Variants in DCAF5 observed in about 807,000 individuals in gnomAD.
The protein encoded by DCAF5 is DDB1- and CUL4-associated factor 5.
DCAF5 carries 9 observed loss-of-function variants against 80.7 expected under a neutral mutation model. The observed-to-expected ratio is 0.11, with a 90% CI of 0.07 to 0.19. The LOEUF (loss-of-function observed/expected upper bound fraction) is 0.19. DCAF5 is among the 10% of genes least tolerant of loss of function. DCAF5 has a pLI of 1.00. For missense variants in DCAF5, 842 were observed against 1,205.7 expected, an observed-to-expected ratio of 0.70 and a Z score of 4.47; for synonymous variants, 433 against 461.9, an observed-to-expected ratio of 0.94 and a Z score of 0.80.
At chr14:69,092,294 C>T (rs1202381070) in intron 5 of DCAF5, among the ~76,000 whole-genome samples, 1 of 152,122 alleles carries the variant, frequency 6.6e-6, no homozygotes, top group African/African-American at 2.4e-5. Context: ...ATATAGTCAT[C>T]CTTCATATTA....
At chr14:69,074,734 A>G (rs1015366347) in intron 7 of DCAF5, among the ~76,000 whole-genome samples, 1 of 152,116 alleles carries the variant, frequency 6.6e-6, no homozygotes, top group East Asian at 1.9e-4. Context: ...AAAGCAAGAC[A>G]AAAATATTCC....
At chr14:69,063,811 A>G (rs961396307) in intron 7 of DCAF5, among the ~76,000 whole-genome samples, 3 of 152,194 alleles carry the variant, frequency 2.0e-5, no homozygotes, top group Non-Finnish European at 1.5e-5. Context: ...TATGACAGCA[A>G]AAGGTTCCAG....
In DCAF5 at chr14:69,054,103, G is replaced by A; in HGVS notation, c.2583C>T (p.Ser861=). 1 of 1,614,238 alleles carries A rather than the reference G, an allele frequency of 6.2e-7. No individual in the cohort carries two copies. The highest frequency in any genetic ancestry group is 8.5e-7 in the Non-Finnish European group (1 of 1,180,040). Residue 861 remains serine (S), a synonymous_variant, in exon 9 of 9, where the codon TCC becomes TCT. Coordinates refer to ENST00000341516, the MANE Select transcript of DCAF5 (RefSeq NM_003861.3). ...LGELEVVAYS[S]PGHSDTDRDN... is the part of the protein sequence containing the mutation. Reference sequence around the variant, plus strand: ...CACGGTCAGTGTCTGAGTGTCCTGGGGAAGAGTAGGCCACCACCTCCAGCT... The same window carrying A: ...CACGGTCAGTGTCTGAGTGTCCTGGAGAAGAGTAGGCCACCACCTCCAGCT...
chr14:69,083,611 G>A (rs1354344719), intron 6 of DCAF5: 7 of 530,424 alleles, frequency 1.3e-5, no homozygotes, highest in African/African-American at 5.9e-5. Context: ...AAATGGAGAT[G>A]TGTCTCAAGA....
rs147158579 is a variant in DCAF5, at chr14:69,068,639, G to A, written c.947-6128C>T. On this transcript the variant is annotated intron_variant, in intron 7 of 8. Transcript: ENST00000341516. The stretch of plus-strand genomic sequence containing the variant: ...CTTGAACCTAGGAGACAGAAGTTGC[G>A]GTGAGCCGAGATCATGCCATTGCAC... Among the ~76,000 whole-genome samples, 1,311 of 150,698 alleles carry A rather than the reference G, an allele frequency of 8.7e-3. 17 individuals are homozygous for A. Among genetic ancestry groups the A allele is most frequent in the African/African-American group, 0.029 (1,166 of 40,672 alleles).
intron 5 of DCAF5, among the ~76,000 whole-genome samples, chr14:69,096,857 CA>C (rs1444400622): frequency 6.6e-6 from 1 of 152,096 alleles, no homozygotes; most frequent in African/African-American, 2.4e-5. Flanking sequence ...CTTCACCTTA[CA>C]TAGTATCAGC....
Position 69,055,128 on chromosome 14 carries a change from G to T in DCAF5, c.1558C>A (p.Gln520Lys). The T allele has an allele frequency of 6.2e-7, 1 of 1,614,230 alleles. No individual in the cohort carries two copies. The highest frequency in any genetic ancestry group is 8.5e-7 in the Non-Finnish European group (1 of 1,180,046). Residue 520 changes from glutamine (Q) to lysine (K), a missense_variant, in exon 9 of 9, where the codon CAA becomes AAA. Around this residue, in one of 5 missense-constraint regions of DCAF5, gnomAD observed 607 missense variants for 656.6 expected, o/e 0.92. Transcript: ENST00000341516. The surrounding 1 kb of genome is among the most constrained non-coding windows in gnomAD (Gnocchi z 5.6). ...GAAAGGGCCAGGAGGCGTTTGTCTT[G>T]GTAGCGCCGCAGAGCAGACAGACGC... is the stretch of plus-strand genomic sequence containing the variant. ...QQRLSALRRY[Q>K]DKRLLALSNE...
chr14:69,139,437 C>A (rs999606570), intron 1 of DCAF5, among the ~76,000 whole-genome samples: 1 of 151,998 alleles, frequency 6.6e-6, no homozygotes, highest in Non-Finnish European at 1.5e-5. Context: ...GAGGTCGAAG[C>A]TTCAGTTAGC....
intron 1 of DCAF5, among the ~76,000 whole-genome samples, chr14:69,139,537 G>C (rs192794492): frequency 7.5e-4 from 114 of 151,278 alleles, no homozygotes; most frequent in African/African-American, 2.7e-3. Context: ...AGGAGGCTTG[G>C]GCATGGTGCC....
chr14:69,068,108 C>A (rs977770472), intron 7 of DCAF5, among the ~76,000 whole-genome samples: 22 of 152,212 alleles, frequency 1.4e-4, no homozygotes, highest in African/African-American at 5.1e-4. Flanking sequence ...TTATGGGCCT[C>A]AGAAGCCACT....
chr14:69,070,752 C>A (rs2038654776), intron 7 of DCAF5, among the ~76,000 whole-genome samples: 1 of 151,960 alleles, frequency 6.6e-6, no homozygotes, highest in South Asian at 2.1e-4. Context: ...GCAAAATTCC[C>A]AGTTCTAGTT....
chr14:69,130,524 A>G (rs1382809056), intron 1 of DCAF5, among the ~76,000 whole-genome samples: 1 of 152,198 alleles, frequency 6.6e-6, no homozygotes, highest in African/African-American at 2.4e-5. Flanking sequence ...ACATGAATGT[A>G]ATTAATACCA....
chr14:69,113,672 T>C (rs1027418617), intron 5 of DCAF5, among the ~76,000 whole-genome samples: 14 of 152,156 alleles, frequency 9.2e-5, no homozygotes, highest in African/African-American at 3.1e-4. Context: ...GCATAACTAA[T>C]CCTACATGGA....
In DCAF5 at chr14:69,055,528, A is replaced by G. The variant is rs777330976; in HGVS notation, c.1158T>C (p.His386=). The G allele has an allele frequency of 6.2e-7, 1 of 1,614,152 alleles. No individual in the cohort carries two copies. Among genetic ancestry groups the G allele is most frequent in the Non-Finnish European group, 8.5e-7 (1 of 1,180,026 alleles). ...TCAGCACAAGGCTGATGTACTCTTC[A>G]TGGGTATAGAGGCAGCGGGAATCGT... ...IEDDSRCLYT[H]EEYISLVLNS... Residue 386 remains histidine, a synonymous_variant, in exon 9 of 9, where the codon CAT becomes CAC. Transcript: ENST00000341516. This position sits in a 1 kb window ranked among gnomAD's most constrained non-coding sequence, Gnocchi z 5.6.
intron 6 of DCAF5, among the ~76,000 whole-genome samples, chr14:69,088,266 C>T (rs1258552734): frequency 6.6e-6 from 1 of 152,200 alleles, no homozygotes; most frequent in African/African-American, 2.4e-5. Flanking sequence ...TGGGTTCTAG[C>T]CCTGGTTTGC....
intron 5 of DCAF5, among the ~76,000 whole-genome samples, chr14:69,109,206 T>A (rs1038222983): frequency 6.6e-6 from 1 of 151,720 alleles, no homozygotes; most frequent in African/African-American, 2.4e-5. Context: ...TAGCCGGGCG[T>A]GGTGGCGGGC....
At chr14:69,140,938 AGC>A (rs2041351107) in intron 1 of DCAF5, among the ~76,000 whole-genome samples, 1 of 152,044 alleles carries the variant, frequency 6.6e-6, no homozygotes, top group African/African-American at 2.4e-5. Context: ...GTTCGAGACC[AGC>A]CTGGCCAACA....
intron 6 of DCAF5, chr14:69,089,126 T>C (rs920147878): frequency 1.3e-5 from 2 of 152,660 alleles, no homozygotes; most frequent in Non-Finnish European, 2.9e-5. Context: ...AAAATCATAC[T>C]TATCAATCCT....
At chr14:69,138,774 C>T (rs1402816480) in intron 1 of DCAF5, among the ~76,000 whole-genome samples, 2 of 152,136 alleles carry the variant, frequency 1.3e-5, no homozygotes, top group Non-Finnish European at 2.9e-5. Context: ...TCTACAGAGA[C>T]ATCAGAAGCC....
Sources: gnomAD v4.1 joint callset for allele counts (sites outside exome capture counted in the v4.1 genomes callset) on GRCh38, gnomAD v4.1.1 for gene constraint, gnomAD v4.1.1 regional missense constraint, Gnocchi (gnomAD v3.1) non-coding constraint, MANE v1.5 for transcripts, NCBI Gene and HGNC (gene_info 2026-07-23, HGNC 2026-07-21) for gene names.